CASD1: variants seen among roughly 807,000 people sequenced by gnomAD.
CASD1 encodes the protein N-acetylneuraminate (7)9-O-acetyltransferase.
CASD1 carries 41 observed loss-of-function variants against 100.0 expected under a neutral mutation model. The ratio of observed to expected loss-of-function variants is 0.41; its 90% confidence interval spans 0.32 to 0.53. The LOEUF is 0.53. Ranked by LOEUF, CASD1 falls within the 20% of genes least tolerant of loss-of-function variation. The probability of loss-of-function intolerance (pLI) is 0.25; values close to 1 mark genes in which losing one functional copy is unlikely to be tolerated. For synonymous variants in CASD1, 321 were observed against 315.6 expected (o/e 1.02, Z -0.18); for missense variants, 774 against 948.7 (o/e 0.82, Z 2.42).
intron 3 of CASD1, among the ~76,000 whole-genome samples, chr7:94,520,626 C>G (rs1295408694): frequency 6.6e-6 from 1 of 152,080 alleles, no homozygotes; most frequent in Admixed American, 6.5e-5. Context: ...TCTGGGGGCT[C>G]CTTCTATGTC....
chr7:94,565,685 T>A, the CASD1 span, among the ~76,000 whole-genome samples: 1 of 152,188 alleles, frequency 6.6e-6, no homozygotes, highest in Non-Finnish European at 1.5e-5. Flanking sequence ...ACTTCATGAT[T>A]CACATTCTGC....
intron 16 of CASD1, chr7:94,553,164 A>T (rs530240060): frequency 4.3e-6 from 2 of 469,872 alleles, no homozygotes; most frequent in South Asian, 1.6e-5. Context: ...TATATCACTT[A>T]TACTATTAAT....
chr7:94,570,092 C>A, the CASD1 span, among the ~76,000 whole-genome samples: 2 of 151,714 alleles, frequency 1.3e-5, no homozygotes, highest in African/African-American at 4.8e-5. Flanking sequence ...GGATTACAGG[C>A]GTGAGCCACC....
At chr7:94,513,487 A>G (rs1216806444) in intron 1 of CASD1, among the ~76,000 whole-genome samples, 1 of 152,134 alleles carries the variant, frequency 6.6e-6, no homozygotes, top group South Asian at 2.1e-4. Flanking sequence ...TTGCCCGTTT[A>G]TACGTCTCAC....
the CASD1 span, among the ~76,000 whole-genome samples, chr7:94,623,024 C>A: frequency 6.6e-6 from 1 of 152,200 alleles, no homozygotes; most frequent in East Asian, 1.9e-4. Flanking sequence ...ACTTGTGAAT[C>A]CTTACCCCAC....
At chr7:94,600,647 C>T in the CASD1 span, 157 of 1,609,552 alleles carry the variant, frequency 9.8e-5, no homozygotes, top group Non-Finnish European at 1.1e-4. Flanking sequence ...AGTACTCACA[C>T]GCCTTCCCGT....
chr7:94,569,832 G>C, the CASD1 span, among the ~76,000 whole-genome samples: 1 of 112,472 alleles, frequency 8.9e-6, no homozygotes, highest in Non-Finnish European at 1.9e-5. Flanking sequence ...TTTCTTTTTT[G>C]AGACAGAGTC....
chr7:94,525,858 A>G (rs1794539777), intron 3 of CASD1, among the ~76,000 whole-genome samples: 1 of 152,190 alleles, frequency 6.6e-6, no homozygotes. Flanking sequence ...TATAAATACT[A>G]TTTGTCTGTT....
At chr7:94,559,771 C>A (rs1452003564), downstream of CASD1, among the ~76,000 whole-genome samples, 3 of 152,256 alleles carry the variant, frequency 2.0e-5, no homozygotes, top group Admixed American at 6.5e-5. Context: ...GGTGATCCAC[C>A]TTCCTCGGTC....
the CASD1 span, among the ~76,000 whole-genome samples, chr7:94,607,769 G>A: frequency 6.6e-6 from 1 of 152,116 alleles, no homozygotes; most frequent in Non-Finnish European, 1.5e-5. Flanking sequence ...CATACTGGAA[G>A]TCCTAACTAA....
At chr7:94,581,844 A>G in the CASD1 span, among the ~76,000 whole-genome samples, 6 of 152,166 alleles carry the variant, frequency 3.9e-5, no homozygotes, top group African/African-American at 1.2e-4. Flanking sequence ...ATACATGTGC[A>G]TGTATCTTTA....
rs748120534 is a variant in CASD1 at position 94,533,819 on chromosome 7, G to GA, written c.628+23dup. 3 of 1,525,494 alleles carry GA rather than the reference G, an allele frequency of 2.0e-6. No homozygotes were observed. The highest frequency in any genetic ancestry group is 1.8e-6 in the Non-Finnish European group (2 of 1,138,830). The allele number at this position is 1,525,494 out of a possible 1,614,324, so 94.5% of individuals were successfully genotyped here. A position where few individuals can be genotyped will look rare whatever the true frequency, so the allele number is the denominator to read the frequency against. On this transcript the variant is annotated intron_variant, in intron 7 of 17. Coordinates refer to ENST00000297273, the MANE Select transcript of CASD1 (RefSeq NM_022900.5). ...TCTTACAAGGTAAGGAATGAGTAAT[G>GA]AAAAAATGTCACTTTGTGTATATTT...
chr7:94,559,276 C>CTGTGTGTGTGTGTGTGTGTG (rs377655712), downstream of CASD1, among the ~76,000 whole-genome samples: 12 of 137,598 alleles, frequency 8.7e-5, no homozygotes, highest in African/African-American at 2.7e-4. Context: ...GTATATATGT[C>CTGTGTGTGTGTGTGTGTGTG]TGTGTGTGTG....
chr7:94,575,122 C>A, the CASD1 span, among the ~76,000 whole-genome samples: 4 of 152,060 alleles, frequency 2.6e-5, no homozygotes, highest in Non-Finnish European at 2.9e-5. Context: ...GTCTTGAATT[C>A]TTTCAGTTGT....
At chr7:94,591,712 G>C in the CASD1 span, among the ~76,000 whole-genome samples, 1 of 152,054 alleles carries the variant, frequency 6.6e-6, no homozygotes, top group Non-Finnish European at 1.5e-5. Flanking sequence ...ATGCCCTGTC[G>C]TTTCTTTTCT....
At chr7:94,588,676 T>A in the CASD1 span, 2 of 1,580,852 alleles carry the variant, frequency 1.3e-6, no homozygotes, top group South Asian at 2.2e-5. Flanking sequence ...AATTTATTAT[T>A]CTTAGCACTC....
At chr7:94,517,744 T>C in intron 2 of CASD1, 88 bp downstream of exon 2, 1 of 769,054 alleles carries the variant, frequency 1.3e-6, no homozygotes, top group South Asian at 1.7e-5. Context: ...ACTTTTCATC[T>C]CTATGTTGGG....
chr7:94,541,142 A>G (rs1584417024), intron 10 of CASD1, among the ~76,000 whole-genome samples: 1 of 152,032 alleles, frequency 6.6e-6, no homozygotes. Flanking sequence ...GTTCTTTTAT[A>G]TAGGATGTTG....
the CASD1 span, among the ~76,000 whole-genome samples, chr7:94,575,433 T>G: frequency 6.6e-6 from 1 of 152,234 alleles, no homozygotes; most frequent in African/African-American, 2.4e-5. Flanking sequence ...ATTTCCATTG[T>G]TTTGCATTTG....
Sources: gnomAD v4.1 joint callset for allele counts (sites outside exome capture counted in the v4.1 genomes callset) on GRCh38, gnomAD v4.1.1 for gene constraint, MANE v1.5 for transcripts, NCBI Gene and HGNC (gene_info 2026-07-23, HGNC 2026-07-21) for gene names.